TBX10: variants seen among roughly 807,000 people sequenced by gnomAD.
TBX10 encodes T-box transcription factor TBX10.
TBX10 carries 26 observed loss-of-function variants against 32.4 expected under a neutral mutation model. That is an observed-to-expected ratio of 0.80 (90% confidence interval 0.59 to 1.11). TBX10 has a LOEUF of 1.11. Ranked by LOEUF, TBX10 falls within the 50% of genes most tolerant of loss-of-function variation. The probability of loss-of-function intolerance (pLI) is 0.00; values close to 1 mark genes in which losing one functional copy is unlikely to be tolerated. For synonymous variants in TBX10, 195 were observed against 203.1 expected, an observed-to-expected ratio of 0.96 and a Z score of 0.34; for missense variants, 490 against 494.5, an observed-to-expected ratio of 0.99 and a Z score of 0.09.
upstream of TBX10, among the ~76,000 whole-genome samples, chr11:67,640,382 C>A (rs1216739589): frequency 6.6e-6 from 1 of 152,110 alleles, no homozygotes; most frequent in Non-Finnish European, 1.5e-5. Flanking sequence ...AAGCCCATCC[C>A]GCCTGGAACT....
intron 1 of TBX10, among the ~76,000 whole-genome samples, chr11:67,637,255 A>C (rs4930210): frequency 0.5 from 75,898 of 152,170 alleles, 20,981 homozygotes; most frequent in East Asian, 0.76. Context: ...CTAGAGATGG[A>C]TGCTAATGAT....
chr11:67,631,318 T>G lies in TBX10; in HGVS notation c.*287A>C. 2.1e-6 allele frequency: 1 copy of G among 486,808 alleles called. No homozygotes were observed. The highest frequency in any genetic ancestry group is 1.9e-5 in the African/African-American group (1 of 51,424). 30.2% of individuals were successfully genotyped at this position (486,808 alleles called of 1,614,324 possible). A position where few individuals can be genotyped will look rare whatever the true frequency, so the allele number is the denominator to read the frequency against. ...CTCTGACCACTCATGCCAAATAGTT[T>G]AATGTTAGGGGGAAGGGAGAGGTAA... On this transcript the variant is annotated 3_prime_UTR_variant, in exon 8 of 8. Transcript: ENST00000335385.
intron 3 of TBX10, 101 bp downstream of exon 3, chr11:67,634,715 T>A: frequency 1.5e-6 from 2 of 1,317,728 alleles, no homozygotes; most frequent in Non-Finnish European, 2.2e-6. Context: ...TCCCTGGCAT[T>A]GTTTGGACAG....
At position 67,639,538 on chromosome 11, in the gene TBX10, T is replaced by C. The variant is rs1281545947; in HGVS notation, c.-66A>G. 5 of 1,607,034 alleles carry C rather than the reference T, an allele frequency of 3.1e-6. No homozygotes were observed. In the African/African-American group the frequency reaches 6.7e-5, roughly 22 times the overall value. ...TGGCTGGGGCTGGGAACCTGCCTGC[T>C]GGAAGGGGTGGTCACCACTCGTCCA... On this transcript the variant is annotated 5_prime_UTR_variant, in exon 1 of 8. Coordinates refer to ENST00000335385, the MANE Select transcript of TBX10 (RefSeq NM_005995.5).
upstream of TBX10, among the ~76,000 whole-genome samples, chr11:67,641,641 G>C (rs1010637899): frequency 2.0e-5 from 3 of 152,172 alleles, no homozygotes; most frequent in Admixed American, 2.0e-4. Flanking sequence ...GGGGTGTAGA[G>C]GGCTGGGGGA....
In TBX10 at chr11:67,631,519, G is replaced by A; in HGVS notation, c.*86C>T. 6.7e-7 allele frequency: 1 copy of A among 1,492,410 alleles called. No individual in the cohort carries two copies. The allele number at this position is 1,492,410 out of a possible 1,614,324, so 92.4% of individuals were successfully genotyped here. A position where few individuals can be genotyped will look rare whatever the true frequency, so the allele number is the denominator to read the frequency against. On this transcript the variant is annotated 3_prime_UTR_variant, in exon 8 of 8. Coordinates refer to ENST00000335385, the MANE Select transcript of TBX10 (RefSeq NM_005995.5). ...ACCCTGCTCTCCTTGAGACAGAGAT[G>A]GGGCTGGAGGGGGCGGGGCAGAGGC...
In TBX10 at chr11:67,634,871, GGGAGTCCATGCCCA is replaced by G; in HGVS notation, c.308_321del (p.Leu103ProfsTer62). On this transcript the variant is annotated frameshift_variant, in exon 3 of 8. Coordinates refer to ENST00000335385, the MANE Select transcript of TBX10 (RefSeq NM_005995.5). LOFTEE classifies it high-confidence loss of function. Reference sequence around the variant, plus strand: ...TCCATGAGCAGGGCGTAGTCGGCCAGGGAGTCCATGCCCAGGATCTTCACCTGGAAGGGGGGGAA... The same window carrying G: ...TCCATGAGCAGGGCGTAGTCGGCCAGGGATCTTCACCTGGAAGGGGGGGAA... 6.2e-7 allele frequency: 1 copy of G among 1,613,508 alleles called. No homozygotes were observed.
intron 1 of TBX10, among the ~76,000 whole-genome samples, chr11:67,636,521 A>T (rs56876297): frequency 0.022 from 1,482 of 67,410 alleles, 19 homozygotes; most frequent in African/African-American, 0.029. Context: ...TTATTTATTT[A>T]TTTTTTTCCA....
intron 1 of TBX10, 108 bp downstream of exon 1, chr11:67,639,358 T>C (rs1993839): frequency 0.17 from 241,974 of 1,426,714 alleles, 24,461 homozygotes; most frequent in South Asian, 0.19. Context: ...CCCACCCTCT[T>C]GTGAAGGACC....
upstream of TBX10, among the ~76,000 whole-genome samples, chr11:67,641,623 G>T (rs1855407698): frequency 6.6e-6 from 1 of 152,218 alleles, no homozygotes; most frequent in African/African-American, 2.4e-5. Context: ...AAATGGATGG[G>T]CAGGGTGGGG....
Position 67,635,404 on chromosome 11 carries a change from A to G in TBX10, c.8-141T>C. On this transcript the variant is annotated intron_variant, in intron 1 of 7. Coordinates refer to ENST00000335385, the MANE Select transcript of TBX10 (RefSeq NM_005995.5). The stretch of plus-strand genomic sequence containing the variant: ...GTTCTCACAGGATCCCCCACTCAGC[A>G]TCACTCTGTGAGGTAAATGCTCACT... 2.4e-6 allele frequency: 3 copies of G among 1,243,526 alleles called. No homozygotes were observed. In the South Asian group the frequency reaches 3.9e-5, roughly 16 times the overall value. The allele number at this position is 1,243,526 out of a possible 1,614,324, so 77.0% of individuals were successfully genotyped here.
chr11:67,641,418 C>T (rs1440730680), upstream of TBX10, among the ~76,000 whole-genome samples: 3 of 152,228 alleles, frequency 2.0e-5, no homozygotes, highest in African/African-American at 7.2e-5. Context: ...ACAGCACGCG[C>T]ACAGACACAG....
Position 67,639,547 on chromosome 11 carries a change from T to C in TBX10, c.-75A>G, listed in dbSNP as rs940824691. On this transcript the variant is annotated 5_prime_UTR_variant, in exon 1 of 8. Transcript: ENST00000335385. ...CTGGGAACCTGCCTGCTGGAAGGGGTGGTCACCACTCGTCCACTCGGCACC... is the reference window on the plus strand; with the variant it reads ...CTGGGAACCTGCCTGCTGGAAGGGGCGGTCACCACTCGTCCACTCGGCACC... 1.3e-6 allele frequency: 2 copies of C among 1,599,848 alleles called. No individual in the cohort carries two copies. Among genetic ancestry groups the C allele is most frequent in the African/African-American group, 1.3e-5 (1 of 74,346 alleles).
At chr11:67,637,739 TTA>T (rs1855351220) in intron 1 of TBX10, among the ~76,000 whole-genome samples, 1 of 144,242 alleles carries the variant, frequency 6.9e-6, no homozygotes, top group Admixed American at 9.5e-5. Flanking sequence ...TGATTTTTTT[TTA>T]TTATTGTTAG....
chr11:67,636,976 A>G (rs974041416), intron 1 of TBX10, among the ~76,000 whole-genome samples: 2 of 152,254 alleles, frequency 1.3e-5, no homozygotes, highest in African/African-American at 4.8e-5. Flanking sequence ...AATGGGGTCC[A>G]TCCGTGCAAG....
At chr11:67,639,407 C>A in intron 1 of TBX10, 59 bp downstream of exon 1, 2 of 1,434,612 alleles carry the variant, frequency 1.4e-6, no homozygotes, top group South Asian at 1.2e-5. Context: ...ACCCTGCCCA[C>A]CCACCCTGGA....
chr11:67,636,167 G>A (rs1409056568), intron 1 of TBX10, among the ~76,000 whole-genome samples: 1 of 141,380 alleles, frequency 7.1e-6, no homozygotes, highest in Non-Finnish European at 1.5e-5. Context: ...CTGCAGCCTC[G>A]ACCTCCTGGC....
intron 1 of TBX10, among the ~76,000 whole-genome samples, chr11:67,639,251 G>A (rs1249947288): frequency 1.3e-5 from 2 of 152,172 alleles, no homozygotes; most frequent in East Asian, 1.9e-4. Context: ...CTCATCTCCC[G>A]GAACAGCCTG....
In TBX10 at chr11:67,634,190, T is replaced by A; in HGVS notation, c.548A>T (p.His183Leu). Reference protein sequence around the residue: ...LTNNLLDDNGHIILNSMHRYQ... With the variant: ...LTNNLLDDNGLIILNSMHRYQ... ...TCCCCACCGTGGCCCCGGCCTCACG[T>A]GGCCATTGTCATCCAGCAGGTTGTT... Residue 183 changes from histidine (H) to leucine (L), a missense_variant and splice_region_variant, in exon 4 of 8, where the codon CAC becomes CTC. Transcript: ENST00000335385. 6.2e-7 allele frequency: 1 copy of A among 1,612,706 alleles called. No homozygotes were observed. The highest frequency in any genetic ancestry group is 1.3e-5 in the African/African-American group (1 of 75,044).
Sources: gnomAD v4.1 joint callset for allele counts (sites outside exome capture counted in the v4.1 genomes callset) on GRCh38, gnomAD v4.1.1 for gene constraint, MANE v1.5 for transcripts, NCBI Gene and HGNC (gene_info 2026-07-23, HGNC 2026-07-21) for gene names.